PTPDC1: variants seen among roughly 807,000 people sequenced by gnomAD.
PTPDC1 encodes protein tyrosine phosphatase domain-containing protein 1.
In PTPDC1, 53 loss-of-function variants were observed where a neutral mutation model predicts 75.3. The observed-to-expected ratio is 0.70, with a 90% CI of 0.56 to 0.88. The LOEUF (loss-of-function observed/expected upper bound fraction) is 0.88, where lower values mean the gene tolerates loss of function less well. Among genes scored for constraint, PTPDC1 ranks in the 40% least tolerant of loss-of-function variants. The pLI is 0.00. For missense variants in PTPDC1, 925 were observed against 998.6 expected (o/e 0.93, Z 0.99); for synonymous variants, 349 against 366.2 (o/e 0.95, Z 0.54).
chr9:94,056,748 G>T (rs1003039332), intron 1 of PTPDC1, among the ~76,000 whole-genome samples: 1 of 152,200 alleles, frequency 6.6e-6, no homozygotes, highest in East Asian at 1.9e-4. Flanking sequence ...CTTTTATGAA[G>T]TAGGACATTC....
chr9:94,082,209 C>T (rs114768044), upstream of PTPDC1, among the ~76,000 whole-genome samples: 2,226 of 152,328 alleles, frequency 0.015, 43 homozygotes, highest in African/African-American at 0.05. Context: ...GTAGAGAACA[C>T]GAGGCTGGAA....
intron 1 of PTPDC1, among the ~76,000 whole-genome samples, chr9:94,054,673 G>A (rs562415396): frequency 3.9e-4 from 57 of 147,998 alleles, no homozygotes; most frequent in African/African-American, 1.3e-3. Flanking sequence ...ATTTATGTGA[G>A]CCCATTGATT....
chr9:94,076,284 G>A (rs1010883176), intron 2 of PTPDC1, among the ~76,000 whole-genome samples: 2 of 152,146 alleles, frequency 1.3e-5, no homozygotes, highest in African/African-American at 2.4e-5. Context: ...GATTACAGGC[G>A]TGACCCACTA....
rs1007855302 is a variant in PTPDC1, at chr9:94,097,913, C to T, written c.1347C>T (p.Asp449=). 3.7e-6 allele frequency: 6 copies of T among 1,614,174 alleles called. No homozygotes were observed. The highest frequency in any genetic ancestry group is 3.3e-4 in the Middle Eastern group (2 of 6,062). ...TGAAAAGGCGGCTCAGCTACAGTGA[C>T]TCAGATTTAAAGAGGGCCGAGAACC... ...THLKRRLSYS[D]SDLKRAENLL... Residue 449 remains aspartate, a synonymous_variant, in exon 6 of 9, where the codon GAC becomes GAT. Coordinates refer to ENST00000620992, the MANE Select transcript of PTPDC1 (RefSeq NM_001253829.2).
chr9:94,066,898 A>G (rs1299447203), intron 2 of PTPDC1, among the ~76,000 whole-genome samples: 1 of 152,202 alleles, frequency 6.6e-6, no homozygotes, highest in African/African-American at 2.4e-5. Flanking sequence ...AACTTTTATT[A>G]CAGAAAATTT....
Position 94,108,511 on chromosome 9 carries a change from A to G in PTPDC1, c.*567A>G, listed in dbSNP as rs772198693. 3.9e-5 allele frequency: 6 copies of G among 152,742 alleles called. No individual in the cohort carries two copies. Among genetic ancestry groups the G allele is most frequent in the South Asian group, 4.1e-4 (2 of 4,830 alleles). 9.5% of individuals were successfully genotyped at this position (152,742 alleles called of 1,614,324 possible). ...TTCCTTTTCTTTTTATAAATGTAACAGAGGGTTTCAAAGCATATTATTTTT... is the reference window on the plus strand; with the variant it reads ...TTCCTTTTCTTTTTATAAATGTAACGGAGGGTTTCAAAGCATATTATTTTT... On this transcript the variant is annotated 3_prime_UTR_variant, in exon 9 of 9. Transcript: ENST00000620992.
intron 1 of PTPDC1, chr9:94,038,310 T>C: frequency 1.4e-6 from 1 of 693,818 alleles, no homozygotes; most frequent in Non-Finnish European, 2.6e-6. Flanking sequence ...GAAAGAAAAA[T>C]GATAGCTTAT....
intron 2 of PTPDC1, among the ~76,000 whole-genome samples, chr9:94,087,180 G>C (rs973690817): frequency 6.6e-6 from 1 of 152,156 alleles, no homozygotes; most frequent in African/African-American, 2.4e-5. Context: ...AAAATCTCTT[G>C]AGAGTTCTTG....
intron 7 of PTPDC1, among the ~76,000 whole-genome samples, chr9:94,102,368 T>A (rs1233262168): frequency 1.3e-5 from 2 of 151,450 alleles, no homozygotes; most frequent in Non-Finnish European, 2.9e-5. Flanking sequence ...GATATATGTT[T>A]AAAATAGAGG....
upstream of PTPDC1, among the ~76,000 whole-genome samples, chr9:94,080,409 T>G (rs1379432550): frequency 6.6e-6 from 1 of 152,200 alleles, no homozygotes; most frequent in East Asian, 1.9e-4. Context: ...CATATGTATA[T>G]ATGCCTACAT....
intron 1 of PTPDC1, among the ~76,000 whole-genome samples, chr9:94,036,918 CA>C (rs1478932232): frequency 6.6e-6 from 1 of 152,206 alleles, no homozygotes; most frequent in Non-Finnish European, 1.5e-5. Context: ...ATCTACCCTT[CA>C]AAAGGAAAGT....
At chr9:94,079,512 A>G (rs1826807501), upstream of PTPDC1, among the ~76,000 whole-genome samples, 1 of 152,318 alleles carries the variant, frequency 6.6e-6, no homozygotes, top group South Asian at 2.1e-4. Flanking sequence ...ATCATGCTCC[A>G]TGAGAGGACT....
At chr9:94,087,102 C>T (rs1000619232) in intron 2 of PTPDC1, among the ~76,000 whole-genome samples, 2 of 152,168 alleles carry the variant, frequency 1.3e-5, no homozygotes, top group Non-Finnish European at 2.9e-5. Flanking sequence ...ATGTAAGTCA[C>T]TACCCATTGA....
At chr9:94,036,034 TG>T (rs200368116) in intron 1 of PTPDC1, among the ~76,000 whole-genome samples, 3,488 of 125,082 alleles carry the variant, frequency 0.028, 377 homozygotes, top group African/African-American at 0.07. Flanking sequence ...TTTTTTTTTT[TG>T]TTTTTTTTTT....
intron 1 of PTPDC1, among the ~76,000 whole-genome samples, chr9:94,051,577 C>T (rs1291030518): frequency 6.6e-6 from 1 of 152,074 alleles, no homozygotes; most frequent in Non-Finnish European, 1.5e-5. Flanking sequence ...CCAGTGAAAC[C>T]ATCTGAGTCT....
intron 1 of PTPDC1, among the ~76,000 whole-genome samples, chr9:94,040,236 T>C (rs1249626671): frequency 6.6e-6 from 1 of 152,240 alleles, no homozygotes; most frequent in Non-Finnish European, 1.5e-5. Context: ...ATTACATTAA[T>C]GAGTGACTCC....
intron 4 of PTPDC1, among the ~76,000 whole-genome samples, chr9:94,093,367 A>G (rs1446944535): frequency 1.3e-5 from 2 of 149,684 alleles, no homozygotes; most frequent in Non-Finnish European, 3.0e-5. Flanking sequence ...TGGATATGCA[A>G]TTCTGGGTTG....
intron 1 of PTPDC1, among the ~76,000 whole-genome samples, chr9:94,050,339 G>T (rs1014577380): frequency 6.6e-6 from 1 of 152,106 alleles, no homozygotes; most frequent in Non-Finnish European, 1.5e-5. Flanking sequence ...CCCCATCTTT[G>T]TGGTTTTATC....
Position 94,085,416 on chromosome 9 carries a change from C to T in PTPDC1, c.410C>T (p.Ser137Leu). The change falls in exon 2 of 9, where the codon TCA becomes TTA. Residue 137 changes from serine (S) to leucine (L), a missense_variant. Transcript: ENST00000620992. ...EQEQAIKGVY[S>L]SWVTDNILAM... ...GAGCAAGCCATTAAGGGGGTTTACT[C>T]ATCCTGGTGAGTGATCCTGTTGGTC... 3.1e-6 allele frequency: 5 copies of T among 1,614,084 alleles called. No individual in the cohort carries two copies. The East Asian group carries it at 6.7e-5, about 22-fold the overall frequency.
Sources: gnomAD v4.1 joint callset for allele counts (sites outside exome capture counted in the v4.1 genomes callset) on GRCh38, gnomAD v4.1.1 for gene constraint, MANE v1.5 for transcripts, NCBI Gene and HGNC (gene_info 2026-07-23, HGNC 2026-07-21) for gene names.